SYNPR: variants seen among roughly 807,000 people sequenced by gnomAD.
SYNPR encodes synaptoporin.
Under a neutral mutation model 32.9 loss-of-function variants are expected in SYNPR, and 23 were observed. The observed-to-expected ratio is 0.70, with a 90% CI of 0.50 to 0.99. The LOEUF is 0.99. Among genes scored for constraint, SYNPR ranks in the 50% least tolerant of loss-of-function variants. The probability of loss-of-function intolerance (pLI) is 0.00; values close to 1 mark genes in which losing one functional copy is unlikely to be tolerated. For missense variants in SYNPR, 318 were observed against 349.3 expected (o/e 0.91, Z 0.71); for synonymous variants, 146 against 135.9 (o/e 1.07, Z -0.52).
At chr3:63,495,841 G>A (rs1241609239) in intron 3 of SYNPR, among the ~76,000 whole-genome samples, 1 of 152,026 alleles carries the variant, frequency 6.6e-6, no homozygotes, top group Non-Finnish European at 1.5e-5. Flanking sequence ...TTTTTTTAAG[G>A]CAGTGAAACT....
intron 4 of SYNPR, among the ~76,000 whole-genome samples, chr3:63,608,691 G>A (rs893034969): frequency 6.6e-6 from 1 of 152,160 alleles, no homozygotes; most frequent in Non-Finnish European, 1.5e-5. Context: ...ACAGCTTGGT[G>A]GTTAAGAACT....
At chr3:63,594,043 C>A (rs182746005) in intron 4 of SYNPR, among the ~76,000 whole-genome samples, 193 of 152,210 alleles carry the variant, frequency 1.3e-3, no homozygotes, top group Admixed American at 2.4e-3. Context: ...AGTTTGGTAC[C>A]CAACCTCTCT....
intron 2 of SYNPR, among the ~76,000 whole-genome samples, chr3:63,336,601 C>G (rs2087299142): frequency 8.8e-6 from 1 of 113,496 alleles, no homozygotes; most frequent in South Asian, 3.2e-4. Context: ...CAAAATTTAA[C>G]TCAAAATAGA....
At chr3:63,415,462 G>C (rs1205155383) in intron 2 of SYNPR, among the ~76,000 whole-genome samples, 2 of 151,470 alleles carry the variant, frequency 1.3e-5, no homozygotes. Context: ...AAAAAGAAAA[G>C]AAAAATATGT....
intron 3 of SYNPR, among the ~76,000 whole-genome samples, chr3:63,272,430 C>T (rs2086544876): frequency 6.6e-6 from 1 of 151,926 alleles, no homozygotes; most frequent in South Asian, 2.1e-4. Context: ...AGGCAAGATG[C>T]CTCCATTCTT....
chr3:63,217,391 G>T, the SYNPR span, among the ~76,000 whole-genome samples: 1 of 57,450 alleles, frequency 1.7e-5, no homozygotes. Context: ...TCCGAGCCAG[G>T]TGTGGGATAT....
chr3:63,602,465 G>A (rs78814248), intron 4 of SYNPR, among the ~76,000 whole-genome samples: 1 of 152,034 alleles, frequency 6.6e-6, no homozygotes. Flanking sequence ...ATCTTCTAGG[G>A]TTTTTATAGT....
chr3:63,468,614 A>G (rs1700733622), intron 2 of SYNPR, among the ~76,000 whole-genome samples: 1 of 152,124 alleles, frequency 6.6e-6, no homozygotes, highest in Non-Finnish European at 1.5e-5. Flanking sequence ...CAGCCTGGCT[A>G]ACATGTTGAA....
chr3:63,458,246 G>A (rs1397259696), intron 2 of SYNPR, among the ~76,000 whole-genome samples: 1 of 152,042 alleles, frequency 6.6e-6, no homozygotes, highest in Non-Finnish European at 1.5e-5. Context: ...GTATGTATCA[G>A]TTAGCTTTTG....
chr3:63,442,281 CA>C (rs1232392711), intron 2 of SYNPR, among the ~76,000 whole-genome samples: 6 of 151,284 alleles, frequency 4.0e-5, no homozygotes, highest in Non-Finnish European at 2.9e-5. Flanking sequence ...AGAGGGACCT[CA>C]AAAAAAGACT....
At chr3:63,286,824 GT>G (rs2106925298) in intron 2 of SYNPR, among the ~76,000 whole-genome samples, 1 of 152,284 alleles carries the variant, frequency 6.6e-6, no homozygotes, top group Admixed American at 6.5e-5. Context: ...AAAATTTTAA[GT>G]GAGATCAAGC....
intron 4 of SYNPR, among the ~76,000 whole-genome samples, chr3:63,586,959 C>T (rs921168165): frequency 6.6e-6 from 1 of 151,852 alleles, no homozygotes; most frequent in South Asian, 2.1e-4. Context: ...TTCACACATG[C>T]GAAGACTCCA....
intron 2 of SYNPR, among the ~76,000 whole-genome samples, chr3:63,259,165 C>A (rs1445057881): frequency 3.9e-5 from 6 of 152,136 alleles, no homozygotes; most frequent in African/African-American, 1.4e-4. Context: ...TGATACCATT[C>A]CTTCTGAAAC....
At chr3:63,356,085 T>C (rs1231410719) in intron 2 of SYNPR, among the ~76,000 whole-genome samples, 2 of 152,334 alleles carry the variant, frequency 1.3e-5, no homozygotes, top group Non-Finnish European at 1.5e-5. Flanking sequence ...AGACATCATG[T>C]TGTTCATCCT....
intron 3 of SYNPR, among the ~76,000 whole-genome samples, chr3:63,485,166 A>G (rs568842788): frequency 1.3e-5 from 2 of 152,210 alleles, no homozygotes; most frequent in South Asian, 4.1e-4. Context: ...GGATGAAGAG[A>G]GGTCACCAAG....
intron 4 of SYNPR, among the ~76,000 whole-genome samples, chr3:63,598,747 G>A (rs757665758): frequency 2.0e-5 from 3 of 152,140 alleles, no homozygotes; most frequent in Non-Finnish European, 4.4e-5. Context: ...AGCACATTTT[G>A]AAGGGCAGCC....
chr3:63,374,949 G>C (rs6788717), intron 2 of SYNPR, among the ~76,000 whole-genome samples: 36,690 of 151,958 alleles, frequency 0.24, 4,506 homozygotes, highest in Middle Eastern at 0.28. Context: ...CTATATATCT[G>C]TTTTTGTACC....
intron 2 of SYNPR, among the ~76,000 whole-genome samples, chr3:63,326,843 T>C (rs1489094932): frequency 5.9e-5 from 9 of 152,164 alleles, no homozygotes; most frequent in Admixed American, 5.2e-4. Context: ...GTTGTGCTTG[T>C]ACTCTTTCTA....
chr3:63,400,606 G>A (rs564196850), intron 2 of SYNPR, among the ~76,000 whole-genome samples: 6 of 152,248 alleles, frequency 3.9e-5, no homozygotes, highest in Non-Finnish European at 7.4e-5. Flanking sequence ...TGCCTTTTTC[G>A]AGATAACCTG....
Sources: gnomAD v4.1 joint callset for allele counts (sites outside exome capture counted in the v4.1 genomes callset) on GRCh38, gnomAD v4.1.1 for gene constraint, MANE v1.5 for transcripts, NCBI Gene and HGNC (gene_info 2026-07-23, HGNC 2026-07-21) for gene names.